NALF1: variants seen among roughly 807,000 people sequenced by gnomAD.
NALF1 encodes family with sequence similarity 155 member A.
A neutral mutation model predicts 48.4 loss-of-function variants in NALF1; 3 were observed. The ratio of observed to expected loss-of-function variants is 0.06; its 90% CI spans 0.03 to 0.16. The LOEUF (loss-of-function observed/expected upper bound fraction) is 0.16. NALF1 is among the 10% of genes least tolerant of loss of function. The pLI is 1.00. For missense variants in NALF1, 526 were observed against 571.5 expected (o/e 0.92, Z 0.81); for synonymous variants, 262 against 245.7 (o/e 1.07, Z -0.62).
rs1419292287 is a variant in NALF1 at position 107,362,786 on chromosome 13, G to A, written c.916-152031C>T. Among the ~76,000 whole-genome samples the A allele has an allele frequency of 6.6e-6, 1 of 152,148 alleles. No homozygotes were observed. Among genetic ancestry groups the A allele is most frequent in the Admixed American group, 6.6e-5 (1 of 15,266 alleles). The stretch of plus-strand genomic sequence containing the variant: ...GCTTTTACAACTTTCCCATAGGTGA[G>A]CATGTACCTGTCTGAGTGGGCACAC... On this transcript the variant is annotated intron_variant, in intron 1 of 2. Transcript: ENST00000375915. The surrounding 1 kb of genome is among the most constrained non-coding windows in gnomAD (Gnocchi z 4.6).
At chr13:107,306,019 A>G (rs772524332) in intron 1 of NALF1, among the ~76,000 whole-genome samples, 5 of 152,202 alleles carry the variant, frequency 3.3e-5, no homozygotes, top group Admixed American at 6.6e-5. Context: ...GTGGAGGTAC[A>G]AACTAAGAAT....
rs1409352115 is a variant in NALF1 at position 107,325,851 on chromosome 13, C to CAT, written c.916-115097_916-115096insAT. On this transcript the variant is annotated intron_variant, in intron 1 of 2. Coordinates refer to ENST00000375915, the MANE Select transcript of NALF1 (RefSeq NM_001080396.3). ...GAGAAACTGTGTCTCAACACACACA[C>CAT]ACACATATATATATATATATATATA... is the stretch of plus-strand genomic sequence containing the variant. Among the ~76,000 whole-genome samples, 392 of 51,758 alleles carry CAT rather than the reference C, an allele frequency of 7.6e-3. 1 individual carries two copies. The highest frequency in any genetic ancestry group is 0.02 in the African/African-American group (260 of 12,688). 34.0% of individuals were successfully genotyped at this position (51,758 alleles called of 152,430 possible). A position where few individuals can be genotyped will look rare whatever the true frequency, so the allele number is the denominator to read the frequency against.
intron 1 of NALF1, among the ~76,000 whole-genome samples, chr13:107,686,033 G>A (rs371807883): frequency 1.3e-5 from 2 of 152,232 alleles, no homozygotes; most frequent in African/African-American, 2.4e-5. Context: ...GTGAAGAAGC[G>A]GCAGAGCAAG....
At chr13:107,468,759 AT>A (rs1190837146) in intron 1 of NALF1, among the ~76,000 whole-genome samples, 1 of 152,196 alleles carries the variant, frequency 6.6e-6, no homozygotes, top group African/African-American at 2.4e-5. Context: ...ATAATGGGTG[AT>A]TTTAACATTG....
chr13:107,320,798 G>A (rs549254638), intron 1 of NALF1: 16 of 152,158 alleles, frequency 1.1e-4, no homozygotes, highest in Admixed American at 9.8e-4. Flanking sequence ...GATCTCCAAT[G>A]CTCCTTTTGG....
intron 1 of NALF1, among the ~76,000 whole-genome samples, chr13:107,646,756 A>G (rs572325344): frequency 2.0e-5 from 3 of 152,244 alleles, no homozygotes; most frequent in South Asian, 2.1e-4. Context: ...ATCTTTTTAC[A>G]TTGACAGCTA....
chr13:107,293,143 G>A (rs2138884656), intron 1 of NALF1, among the ~76,000 whole-genome samples: 1 of 151,904 alleles, frequency 6.6e-6, no homozygotes, highest in Admixed American at 6.6e-5. Context: ...ACCACACCTG[G>A]CTAATTTTTT....
At chr13:107,316,696 C>T (rs1045574168) in intron 1 of NALF1, among the ~76,000 whole-genome samples, 28 of 152,120 alleles carry the variant, frequency 1.8e-4, no homozygotes, top group African/African-American at 6.0e-4. Flanking sequence ...TAAATGTCTT[C>T]TTTTGAGAAG....
chr13:107,721,835 G>T (rs575676654), intron 1 of NALF1, among the ~76,000 whole-genome samples: 1 of 152,306 alleles, frequency 6.6e-6, no homozygotes, highest in East Asian at 1.9e-4. Context: ...GCGGTGAGGA[G>T]ATCTGATTTC....
At chr13:107,768,906 A>C (rs1877493804) in intron 1 of NALF1, among the ~76,000 whole-genome samples, 2 of 152,196 alleles carry the variant, frequency 1.3e-5, no homozygotes, top group Admixed American at 1.3e-4. Context: ...TCTCAAAAGA[A>C]GACATCTATG....
At chr13:107,384,549 G>T (rs1413683522) in intron 1 of NALF1, among the ~76,000 whole-genome samples, 2 of 151,724 alleles carry the variant, frequency 1.3e-5, no homozygotes, top group African/African-American at 4.8e-5. Flanking sequence ...CCTTTATCGT[G>T]ACTAAAATAA....
intron 1 of NALF1, among the ~76,000 whole-genome samples, chr13:107,759,206 TTTTG>T (rs752937009): frequency 5.5e-4 from 83 of 152,258 alleles, no homozygotes; most frequent in Admixed American, 9.8e-4. Context: ...CTCTGATTTC[TTTTG>T]TTTTTGTTTT....
At chr13:107,213,253 A>G (rs1364150756) in intron 1 of NALF1, among the ~76,000 whole-genome samples, 1 of 150,498 alleles carries the variant, frequency 6.6e-6, no homozygotes, top group Non-Finnish European at 1.5e-5. Context: ...AAAAAAAAGA[A>G]AAGAAAAAGA....
At chr13:107,760,310 T>G (rs1304633447) in intron 1 of NALF1, among the ~76,000 whole-genome samples, 1 of 120,882 alleles carries the variant, frequency 8.3e-6, no homozygotes, top group Non-Finnish European at 1.7e-5. Flanking sequence ...AGGAGAAGAT[T>G]TTAAAAATCA....
chr13:107,818,062 T>A (rs1414116308), intron 1 of NALF1, among the ~76,000 whole-genome samples: 1 of 152,182 alleles, frequency 6.6e-6, no homozygotes, highest in Non-Finnish European at 1.5e-5. Context: ...AATTCTCCCT[T>A]CAGGTCATAC....
intron 1 of NALF1, among the ~76,000 whole-genome samples, chr13:107,632,615 T>C (rs1360007207): frequency 6.6e-6 from 1 of 152,164 alleles, no homozygotes. Context: ...TGTAGACTAA[T>C]GTCACTTGCT....
chr13:107,829,874 C>T (rs910331159), intron 1 of NALF1, among the ~76,000 whole-genome samples: 1 of 152,170 alleles, frequency 6.6e-6, no homozygotes, highest in African/African-American at 2.4e-5. Flanking sequence ...GCACTATCAT[C>T]TGTACCAAAG....
At chr13:107,865,630 C>A in intron 1 of NALF1, 52 bp downstream of exon 1, 1 of 1,569,520 alleles carries the variant, frequency 6.4e-7, no homozygotes, top group South Asian at 1.2e-5. Context: ...ACACCCCAAC[C>A]AAGCAGAGAT....
intron 1 of NALF1, among the ~76,000 whole-genome samples, chr13:107,514,421 A>ATATCTATCTATCTATC (rs34590190): frequency 0.016 from 2,312 of 148,742 alleles, 21 homozygotes; most frequent in Non-Finnish European, 0.02. Context: ...AGCTTCTCCT[A>ATATCTATCTATCTATC]TATCTATCTA....
Sources: gnomAD v4.1 joint callset for allele counts (sites outside exome capture counted in the v4.1 genomes callset) on GRCh38, gnomAD v4.1.1 for gene constraint, Gnocchi (gnomAD v3.1) non-coding constraint, MANE v1.5 for transcripts, NCBI Gene and HGNC (gene_info 2026-07-23, HGNC 2026-07-21) for gene names.